SLC6A11: variants seen among roughly 807,000 people sequenced by gnomAD.
The protein encoded by SLC6A11 is solute carrier family 6 member 11.
A neutral mutation model predicts 74.8 loss-of-function variants in SLC6A11; 25 were observed. The ratio of observed to expected loss-of-function variants is 0.33; its 90% CI spans 0.24 to 0.47. The LOEUF (loss-of-function observed/expected upper bound fraction) is 0.47. Ranked by LOEUF, SLC6A11 falls within the 20% of genes least tolerant of loss-of-function variation. The pLI, the probability that SLC6A11 is intolerant of heterozygous loss-of-function variation, is 1.00. For synonymous variants in SLC6A11, 330 were observed against 330.2 expected (o/e 1.00, Z 0.01); for missense variants, 574 against 837.0 (o/e 0.69, Z 3.88).
chr3:10,928,633 CA>C (rs1347997723), intron 9 of SLC6A11, among the ~76,000 whole-genome samples: 1 of 152,158 alleles, frequency 6.6e-6, no homozygotes, highest in Non-Finnish European at 1.5e-5. Flanking sequence ...AGACACCCAG[CA>C]GAGACAAAGA....
intron 6 of SLC6A11, among the ~76,000 whole-genome samples, chr3:10,881,252 C>A (rs754275805): frequency 2.0e-5 from 3 of 151,994 alleles, no homozygotes; most frequent in Non-Finnish European, 4.4e-5. Context: ...TCCGTCTCTA[C>A]TAAAAATATA....
rs552253326 is a variant in SLC6A11 at position 10,850,651 on chromosome 3, G to A, written c.756+6305G>A. Among the ~76,000 whole-genome samples the A allele has an allele frequency of 4.1e-4, 62 of 152,292 alleles. No homozygotes were observed. The South Asian group carries it at 4.1e-3, about 10-fold the overall frequency. ...AGTGGGAAGGACTTGGTGAACTTGT[G>A]CGGCAAAGTAAAGGCAGTGATTGAG... is the stretch of plus-strand genomic sequence containing the variant. On this transcript the variant is annotated intron_variant, in intron 5 of 13. Coordinates refer to ENST00000254488, the MANE Select transcript of SLC6A11 (RefSeq NM_014229.3).
chr3:10,865,391 C>T (rs530567976), intron 5 of SLC6A11, among the ~76,000 whole-genome samples: 2 of 151,926 alleles, frequency 1.3e-5, no homozygotes, highest in Admixed American at 6.7e-5. Flanking sequence ...TGGCCAGGCA[C>T]AGTGGCTCAC....
At chr3:10,862,687 A>G (rs962220179) in intron 5 of SLC6A11, among the ~76,000 whole-genome samples, 2 of 152,218 alleles carry the variant, frequency 1.3e-5, no homozygotes, top group Admixed American at 1.3e-4. Flanking sequence ...CAATGGGAAC[A>G]TGCTGTGCCT....
intron 6 of SLC6A11, among the ~76,000 whole-genome samples, chr3:10,904,244 G>T (rs908122040): frequency 5.3e-5 from 8 of 152,346 alleles, no homozygotes; most frequent in Non-Finnish European, 1.2e-4. Flanking sequence ...GAGCTACTCT[G>T]TGCAGCCCTG....
At chr3:10,921,864 A>G (rs554414898) in intron 8 of SLC6A11, among the ~76,000 whole-genome samples, 68 of 152,334 alleles carry the variant, frequency 4.5e-4, no homozygotes, top group African/African-American at 1.5e-3. Context: ...AAGTCAAAAA[A>G]TATTAGCAGA....
At chr3:10,819,408 G>C in intron 1 of SLC6A11, 57 bp from the exon 2 acceptor site, 2 of 1,543,976 alleles carry the variant, frequency 1.3e-6, no homozygotes, top group Non-Finnish European at 1.8e-6. Context: ...AAGAGTTCTT[G>C]AGCCAAGTAT....
chr3:10,884,371 A>G (rs759676794), intron 6 of SLC6A11, among the ~76,000 whole-genome samples: 4 of 152,216 alleles, frequency 2.6e-5, no homozygotes, highest in Non-Finnish European at 4.4e-5. Context: ...AAATTATTAT[A>G]TTTTAGACAT....
chr3:10,881,803 C>A (rs574904142), intron 6 of SLC6A11, among the ~76,000 whole-genome samples: 48 of 152,258 alleles, frequency 3.2e-4, no homozygotes, highest in Non-Finnish European at 5.3e-4. Flanking sequence ...GATGAGGAGC[C>A]CCAGTTTAGC....
chr3:10,925,878 G>A, intron 8 of SLC6A11, 126 bp from the exon 9 acceptor site: 1 of 660,348 alleles, frequency 1.5e-6, no homozygotes, highest in Non-Finnish European at 2.7e-6. Flanking sequence ...AAACAGAAGT[G>A]ATTTGAGTGA....
chr3:10,932,413 A>G (rs138996950), intron 10 of SLC6A11, among the ~76,000 whole-genome samples: 49 of 152,152 alleles, frequency 3.2e-4, no homozygotes, highest in African/African-American at 1.1e-3. Context: ...GATTTAACTT[A>G]CGTTTATCAC....
intron 4 of SLC6A11, among the ~76,000 whole-genome samples, chr3:10,830,697 C>T (rs554746093): frequency 3.3e-5 from 5 of 152,036 alleles, no homozygotes; most frequent in South Asian, 2.1e-4. Flanking sequence ...GCTACAGGGC[C>T]GAGGGAGCAG....
At chr3:10,876,716 C>T (rs1018587046) in intron 6 of SLC6A11, among the ~76,000 whole-genome samples, 3 of 142,016 alleles carry the variant, frequency 2.1e-5, no homozygotes, top group African/African-American at 7.7e-5. Context: ...ATCCAGGTGG[C>T]ACCTACACCT....
intron 4 of SLC6A11, among the ~76,000 whole-genome samples, chr3:10,830,586 C>T (rs1305985992): frequency 1.3e-5 from 2 of 152,088 alleles, no homozygotes; most frequent in African/African-American, 2.4e-5. Flanking sequence ...GTTTAGGGGG[C>T]AGAAAGTGTT....
Position 10,938,333 on chromosome 3 carries a change from T to C in SLC6A11, c.1830T>C (p.Asn610=). 6.2e-7 allele frequency: 1 copy of C among 1,613,320 alleles called. No individual in the cohort carries two copies. The highest frequency in any genetic ancestry group is 1.1e-5 in the South Asian group (1 of 90,962). The change falls in exon 14 of 14, where the codon AAT becomes AAC. Residue 610 remains asparagine, a synonymous_variant. Transcript: ENST00000254488. ...TGAGCCCACGGATGGTGACAGTTAATGACTGTGATGCCAAACTCAAGAGTG... is the reference window on the plus strand; with the variant it reads ...TGAGCCCACGGATGGTGACAGTTAACGACTGTGATGCCAAACTCAAGAGTG... The part of the protein sequence containing the change: ...LGVSPRMVTV[N]DCDAKLKSDG...
intron 5 of SLC6A11, among the ~76,000 whole-genome samples, chr3:10,867,905 C>T (rs1694784684): frequency 6.6e-6 from 1 of 152,178 alleles, no homozygotes; most frequent in African/African-American, 2.4e-5. Flanking sequence ...TTATTTTCGT[C>T]ACATTTATTT....
chr3:10,908,565 CA>C (rs1695342416), intron 6 of SLC6A11, among the ~76,000 whole-genome samples: 1 of 151,960 alleles, frequency 6.6e-6, no homozygotes, highest in Non-Finnish European at 1.5e-5. Context: ...TCTCCAATCT[CA>C]AAAGGTGTGC....
chr3:10,938,381 A>T lies in SLC6A11; in HGVS notation c.1878A>T (p.Thr626=), dbSNP rs1249857402. ...GTGACGGGACCATCGCAGCCATCAC[A>T]GAGAAGGAGACGCACTTCTGAGCGG... ...LKSDGTIAAI[T]EKETHF is the part of the protein sequence containing the mutation. The change falls in exon 14 of 14, where the codon ACA becomes ACT. Residue 626 remains threonine (T), a synonymous_variant. Transcript: ENST00000254488. The T allele has an allele frequency of 1.2e-6, 2 of 1,606,910 alleles. No individual in the cohort carries two copies. The highest frequency in any genetic ancestry group is 2.2e-5 in the East Asian group (1 of 44,696).
chr3:10,936,916 C>T (rs1465443499), intron 13 of SLC6A11, among the ~76,000 whole-genome samples: 7 of 152,152 alleles, frequency 4.6e-5, no homozygotes, highest in Admixed American at 2.6e-4. Flanking sequence ...ACATGTCTGC[C>T]GACGTGGACA....
Sources: gnomAD v4.1 joint callset for allele counts (sites outside exome capture counted in the v4.1 genomes callset) on GRCh38, gnomAD v4.1.1 for gene constraint, MANE v1.5 for transcripts, NCBI Gene and HGNC (gene_info 2026-07-23, HGNC 2026-07-21) for gene names.